The following RELN variants were observed in gnomAD, a reference collection of about 807,000 sequenced individuals.
RELN encodes the protein reelin.
RELN carries 108 observed loss-of-function variants against 427.6 expected under a neutral mutation model. The observed-to-expected ratio is 0.25, with a 90% CI of 0.22 to 0.30. The LOEUF (loss-of-function observed/expected upper bound fraction) is 0.30. RELN is among the 10% of genes least tolerant of loss of function. RELN has a pLI of 1.00. For synonymous variants in RELN, 1,524 were observed against 1,513.4 expected, an observed-to-expected ratio of 1.01 and a Z score of -0.16; for missense variants, 3,715 against 4,302.8, an observed-to-expected ratio of 0.86 and a Z score of 3.82.
chr7:103,556,274 C>T (rs1830518206), intron 38 of RELN, among the ~76,000 whole-genome samples: 1 of 151,924 alleles, frequency 6.6e-6, no homozygotes, highest in South Asian at 2.1e-4. Flanking sequence ...CTATGTATTC[C>T]CAAATAAATG....
intron 5 of RELN, among the ~76,000 whole-genome samples, chr7:103,749,801 C>T (rs1584462272): frequency 6.6e-6 from 1 of 152,208 alleles, no homozygotes; most frequent in East Asian, 1.9e-4. Context: ...CAAGGAGAGG[C>T]TATTCGGGAC....
chr7:103,918,779 GA>G (rs1389830129), intron 1 of RELN, among the ~76,000 whole-genome samples: 1 of 151,854 alleles, frequency 6.6e-6, no homozygotes, highest in Non-Finnish European at 1.5e-5. Flanking sequence ...AAGCCACATG[GA>G]AAAAAAGAAG....
chr7:103,670,278 T>C (rs1455886233), intron 11 of RELN, among the ~76,000 whole-genome samples: 1 of 152,162 alleles, frequency 6.6e-6, no homozygotes, highest in African/African-American at 2.4e-5. Context: ...CATAAGTATG[T>C]ATATGTGTGC....
At position 103,561,604 on chromosome 7, in the gene RELN, T is replaced by C; in HGVS notation, c.5457A>G (p.Glu1819=). The C allele has an allele frequency of 1.2e-6, 2 of 1,613,926 alleles. No individual in the cohort carries two copies. The highest frequency in any genetic ancestry group is 1.7e-6 in the Non-Finnish European group (2 of 1,179,876). Residue 1819 remains glutamate, a synonymous_variant, in exon 36 of 65, where the codon GAA becomes GAG. Transcript: ENST00000428762. The part of the protein sequence containing the change: ...NGNLHPDLWP[E]VYGAERGNLN... Reference sequence around the variant, plus strand: ...GATTCCCCCTCTCTGCACCATACACTTCAGGCCAAAGGTCAGGATGTAAAT... The same window carrying C: ...GATTCCCCCTCTCTGCACCATACACCTCAGGCCAAAGGTCAGGATGTAAAT...
chr7:103,503,446 G>C (rs1829102713), intron 51 of RELN, among the ~76,000 whole-genome samples: 2 of 152,292 alleles, frequency 1.3e-5, no homozygotes, highest in African/African-American at 4.8e-5. Context: ...ATATTGTGTA[G>C]GGGGTTTGGA....
intron 3 of RELN, among the ~76,000 whole-genome samples, chr7:103,796,309 C>A (rs1792296269): frequency 6.6e-6 from 1 of 152,092 alleles, no homozygotes; most frequent in Non-Finnish European, 1.5e-5. Context: ...AATTTTGTGA[C>A]CTTAGTTCTT....
At chr7:103,525,827 T>C (rs1028769932) in intron 46 of RELN, among the ~76,000 whole-genome samples, 1 of 152,174 alleles carries the variant, frequency 6.6e-6, no homozygotes, top group African/African-American at 2.4e-5. Flanking sequence ...TCCCCTAATA[T>C]CTTACACATA....
At chr7:103,798,714 G>A (rs889996340) in intron 3 of RELN, among the ~76,000 whole-genome samples, 1 of 152,188 alleles carries the variant, frequency 6.6e-6, no homozygotes, top group Admixed American at 6.5e-5. Context: ...TGCTATCTCA[G>A]TGTTTAGGGC....
intron 6 of RELN, among the ~76,000 whole-genome samples, chr7:103,747,168 A>T (rs1790859921): frequency 6.6e-6 from 1 of 151,844 alleles, no homozygotes; most frequent in African/African-American, 2.4e-5. Flanking sequence ...CAAGGACAAA[A>T]AACCAAACAC....
rs1830829338 is a variant in RELN, at chr7:103,569,316, C to G, written c.4589-2557G>C. Among the ~76,000 whole-genome samples, 1 of 152,212 alleles carries G rather than the reference C, an allele frequency of 6.6e-6. No individual in the cohort carries two copies. Among genetic ancestry groups the G allele is most frequent in the African/African-American group, 2.4e-5 (1 of 41,450 alleles). ...GTAGATCACCTAGCCCTGGCTAAGT[C>G]TTCCAGTGACTGCACCCCTCCTGGC... is the stretch of plus-strand genomic sequence containing the variant. On this transcript the variant is annotated intron_variant, in intron 31 of 64. Transcript: ENST00000428762. The surrounding 1 kb of genome is among the most constrained non-coding windows in gnomAD (Gnocchi z 4.0).
chr7:103,964,438 T>C (rs1796622282), intron 1 of RELN, among the ~76,000 whole-genome samples: 1 of 152,198 alleles, frequency 6.6e-6, no homozygotes, highest in South Asian at 2.1e-4. Context: ...TTTAGTGATG[T>C]CTTCCAGCTA....
At chr7:103,948,334 G>A (rs1796260919) in intron 1 of RELN, among the ~76,000 whole-genome samples, 1 of 152,010 alleles carries the variant, frequency 6.6e-6, no homozygotes, top group South Asian at 2.1e-4. Context: ...ACTTAAGTAT[G>A]TCTATTTTTT....
At chr7:103,978,557 A>G (rs1796927974) in intron 1 of RELN, among the ~76,000 whole-genome samples, 1 of 152,208 alleles carries the variant, frequency 6.6e-6, no homozygotes, top group African/African-American at 2.4e-5. Context: ...ACTGGTCTAG[A>G]TGGTACAGGA....
At chr7:103,951,118 A>C (rs550836779) in intron 1 of RELN, among the ~76,000 whole-genome samples, 41 of 152,280 alleles carry the variant, frequency 2.7e-4, no homozygotes, top group East Asian at 9.7e-4. Context: ...TTTAGTAGAG[A>C]TGGGGTTTCA....
Position 103,539,294 on chromosome 7 carries a change from C to T in RELN, c.6964G>A (p.Val2322Ile). 1 of 1,614,124 alleles carries T rather than the reference C, an allele frequency of 6.2e-7. No individual in the cohort carries two copies. Among genetic ancestry groups the T allele is most frequent in the Non-Finnish European group, 8.5e-7 (1 of 1,179,968 alleles). ...AGGGTTGTGAAATCATCTTCCAAGA[C>T]CGTATTACCAGAAATATTTCCTCCA... ...LIGGNISGNT[V>I]LEDDFTTLDS... Residue 2322 changes from valine to isoleucine, a missense_variant, in exon 45 of 65, where the codon GTC becomes ATC. Coordinates refer to ENST00000428762, the MANE Select transcript of RELN (RefSeq NM_005045.4).
In RELN at chr7:103,519,382, A is replaced by G; in HGVS notation, c.7803T>C (p.Asn2601=). The stretch of plus-strand genomic sequence containing the variant: ...TGAGCAGGTTCCAGGTAATGCCTCC[A>G]TTGACAGAATATTCCAAGAGAACAC... ...NQGVLLEYSV[N]GGITWNLLME... The change falls in exon 49 of 65, where the codon AAT becomes AAC. Residue 2601 remains asparagine, a synonymous_variant. Transcript: ENST00000428762. 6.2e-7 allele frequency: 1 copy of G among 1,614,154 alleles called. No individual in the cohort carries two copies. The highest frequency in any genetic ancestry group is 1.1e-5 in the South Asian group (1 of 91,084).
intron 58 of RELN, 65 bp from the exon 59 acceptor site, chr7:103,490,894 G>C: frequency 6.6e-7 from 1 of 1,526,648 alleles, no homozygotes; most frequent in Admixed American, 1.7e-5. Flanking sequence ...TTAATGTCAA[G>C]GTAATGCTTT....
chr7:103,956,515 A>T (rs556997320), intron 1 of RELN, among the ~76,000 whole-genome samples: 18 of 152,326 alleles, frequency 1.2e-4, no homozygotes, highest in Admixed American at 2.6e-4. Context: ...AATACAAAAA[A>T]ATCTTATGAG....
At chr7:103,774,549 T>C (rs1222636876) in intron 4 of RELN, among the ~76,000 whole-genome samples, 1 of 152,172 alleles carries the variant, frequency 6.6e-6, no homozygotes, top group Non-Finnish European at 1.5e-5. Context: ...CACTGTGCTG[T>C]GGTATATGGT....
Sources: allele counts gnomAD v4.1 joint callset (sites outside exome capture counted in the v4.1 genomes callset), GRCh38; gene constraint gnomAD v4.1.1; non-coding constraint Gnocchi (gnomAD v3.1); transcripts MANE v1.5; gene names NCBI Gene and HGNC (gene_info 2026-07-23, HGNC 2026-07-21).